BCAR3: variants seen among roughly 807,000 people sequenced by gnomAD.
The protein encoded by BCAR3 is BCAR3 adaptor protein, NSP family member, also known as breast cancer anti-estrogen resistance protein 3.
A neutral mutation model predicts 80.1 loss-of-function variants in BCAR3; 37 were observed. The ratio of observed to expected loss-of-function variants is 0.46; its 90% CI spans 0.36 to 0.61. BCAR3 has a LOEUF of 0.61. Among genes scored for constraint, BCAR3 ranks in the 20% least tolerant of loss-of-function variants. The pLI is 0.00. For missense variants in BCAR3, 978 were observed against 1,068.2 expected (o/e 0.92, Z 1.18); for synonymous variants, 389 against 418.9 (o/e 0.93, Z 0.87).
At chr1:93,572,610 G>A (rs1056435787) in intron 8 of BCAR3, among the ~76,000 whole-genome samples, 8 of 152,160 alleles carry the variant, frequency 5.3e-5, no homozygotes, top group African/African-American at 9.7e-5. Flanking sequence ...GTCAGTCTGC[G>A]GCAGAAAGCA....
intron 2 of BCAR3, among the ~76,000 whole-genome samples, chr1:93,660,750 T>C (rs1038115072): frequency 1.3e-5 from 2 of 152,274 alleles, no homozygotes; most frequent in African/African-American, 4.8e-5. Context: ...AGTCTCGCAA[T>C]GTTGCCCAGC....
At chr1:93,758,325 G>T (rs1386766870) in intron 2 of BCAR3, among the ~76,000 whole-genome samples, 3 of 152,246 alleles carry the variant, frequency 2.0e-5, no homozygotes, top group Non-Finnish European at 4.4e-5. Flanking sequence ...GGAGGACAAA[G>T]AAGAGTTTCC....
intron 2 of BCAR3, among the ~76,000 whole-genome samples, chr1:93,770,504 T>G (rs1372514988): frequency 6.6e-6 from 1 of 152,142 alleles, no homozygotes; most frequent in Non-Finnish European, 1.5e-5. Context: ...GGCAAACATT[T>G]TTTTGTTGCC....
intron 3 of BCAR3, among the ~76,000 whole-genome samples, chr1:93,597,866 A>C (rs887617740): frequency 6.6e-6 from 1 of 152,098 alleles, no homozygotes; most frequent in African/African-American, 2.4e-5. Flanking sequence ...CTGGCCCAGC[A>C]CCTCTGCTCG....
At chr1:93,661,947 A>G (rs1647681288) in intron 2 of BCAR3, among the ~76,000 whole-genome samples, 1 of 152,262 alleles carries the variant, frequency 6.6e-6, no homozygotes, top group Admixed American at 6.5e-5. Context: ...ACTAGCAGTT[A>G]GCAGGATTAA....
intron 2 of BCAR3, among the ~76,000 whole-genome samples, chr1:93,728,507 A>G (rs1325769874): frequency 1.3e-5 from 2 of 152,234 alleles, no homozygotes; most frequent in Non-Finnish European, 2.9e-5. Context: ...TTGGTGTACC[A>G]GAAGAATTGG....
intron 3 of BCAR3, among the ~76,000 whole-genome samples, chr1:93,701,946 G>T (rs1197699983): frequency 2.0e-5 from 3 of 152,198 alleles, no homozygotes; most frequent in Non-Finnish European, 4.4e-5. Context: ...ACCACATAGA[G>T]AAGGGCTGAG....
intron 3 of BCAR3, among the ~76,000 whole-genome samples, chr1:93,704,690 A>G (rs1174009675): frequency 6.6e-6 from 1 of 152,176 alleles, no homozygotes; most frequent in African/African-American, 2.4e-5. Flanking sequence ...GATCTATTGT[A>G]CTTTTAAGTG....
intron 3 of BCAR3, among the ~76,000 whole-genome samples, chr1:93,641,131 CA>C (rs1675965708): frequency 6.6e-6 from 1 of 152,212 alleles, no homozygotes; most frequent in African/African-American, 2.4e-5. Flanking sequence ...CATGAAAACA[CA>C]GCTCAGTTGT....
chr1:93,819,982 A>G (rs576692592), intron 2 of BCAR3, among the ~76,000 whole-genome samples: 2 of 152,176 alleles, frequency 1.3e-5, no homozygotes, highest in South Asian at 2.1e-4. Context: ...TGTGTACTCA[A>G]TGTTTAGCTC....
chr1:93,760,880 T>G (rs1273301414), intron 2 of BCAR3, among the ~76,000 whole-genome samples: 1 of 152,200 alleles, frequency 6.6e-6, no homozygotes, highest in South Asian at 2.1e-4. Flanking sequence ...GGTCTCTGAT[T>G]GGCCAGATTT....
At chr1:93,766,465 G>A (rs1489040008) in intron 2 of BCAR3, among the ~76,000 whole-genome samples, 1 of 152,220 alleles carries the variant, frequency 6.6e-6, no homozygotes, top group Non-Finnish European at 1.5e-5. Context: ...CCCAGGAAGT[G>A]GGCAGCCAGA....
At chr1:93,706,973 G>A (rs987332768) in intron 2 of BCAR3, among the ~76,000 whole-genome samples, 2 of 151,946 alleles carry the variant, frequency 1.3e-5, no homozygotes, top group South Asian at 2.1e-4. Flanking sequence ...TCAGGAGTTC[G>A]AGACCAGCCT....
intron 2 of BCAR3, among the ~76,000 whole-genome samples, chr1:93,799,376 G>C (rs114556877): frequency 0.027 from 4,164 of 152,280 alleles, 80 homozygotes; most frequent in Non-Finnish European, 0.042. Flanking sequence ...TATGGGGTCA[G>C]GTTGATCTTT....
intron 2 of BCAR3, among the ~76,000 whole-genome samples, chr1:93,671,740 T>C (rs1182793288): frequency 6.6e-6 from 1 of 152,200 alleles, no homozygotes; most frequent in East Asian, 1.9e-4. Context: ...TGGTCCTAGC[T>C]CTGCATATGC....
chr1:93,790,500 T>C (rs1424898408), intron 2 of BCAR3, among the ~76,000 whole-genome samples: 1 of 152,142 alleles, frequency 6.6e-6, no homozygotes, highest in African/African-American at 2.4e-5. Context: ...CATTATTATA[T>C]GGGTTATTCT....
chr1:93,629,301 G>A (rs1570985517), intron 3 of BCAR3, among the ~76,000 whole-genome samples: 1 of 152,010 alleles, frequency 6.6e-6, no homozygotes. Flanking sequence ...CATCCTTCCT[G>A]CCAAGCCGAG....
Position 93,674,906 on chromosome 1 carries a change from G to A in BCAR3, c.25C>T (p.Leu9Phe). 1 of 1,560,982 alleles carries A rather than the reference G, an allele frequency of 6.4e-7. No homozygotes were observed. The highest frequency in any genetic ancestry group is 8.6e-7 in the Non-Finnish European group (1 of 1,160,876). ...TGATTCACCGGCATGTTTCTGGGAA[G>A]GCTTGCAAATTTTCCTGCAGCCATA... MAAGKFAS[L>F]PRNMPVNHQF... The change falls in exon 2 of 12, where the codon CTT becomes TTT. Residue 9 changes from leucine (L) to phenylalanine (F), a missense_variant. By Grantham distance (22) the Leu-to-Phe change is conservative. Coordinates refer to ENST00000260502, the MANE Select transcript of BCAR3 (RefSeq NM_003567.4).
intron 3 of BCAR3, among the ~76,000 whole-genome samples, chr1:93,694,875 C>T (rs150150063): frequency 1.5e-4 from 23 of 152,354 alleles, no homozygotes; most frequent in African/African-American, 5.3e-4. Flanking sequence ...CCTGTGACAG[C>T]ACCTCCAATG....
Sources: allele counts gnomAD v4.1 joint callset (sites outside exome capture counted in the v4.1 genomes callset), GRCh38; gene constraint gnomAD v4.1.1; transcripts MANE v1.5; gene names NCBI Gene and HGNC (gene_info 2026-07-23, HGNC 2026-07-21).